DOCK11: variants seen among roughly 807,000 people sequenced by gnomAD.
The protein encoded by DOCK11 is dedicator of cytokinesis 11.
Under a neutral mutation model 169.1 loss-of-function variants are expected in DOCK11, and 70 were observed. The observed-to-expected ratio is 0.41, with a 90% confidence interval of 0.34 to 0.51. The LOEUF (loss-of-function observed/expected upper bound fraction) is 0.51. Among genes scored for constraint, DOCK11 ranks in the 20% least tolerant of loss-of-function variants. The probability of loss-of-function intolerance (pLI) is 0.10; values close to 1 mark genes in which losing one functional copy is unlikely to be tolerated. For synonymous variants in DOCK11, 529 were observed against 541.3 expected (o/e 0.98, Z 0.32); for missense variants, 1,166 against 1,538.8 (o/e 0.76, Z 4.05).
rs764439704 is a variant in DOCK11 at position 118,578,505 on chromosome X, C to A, written c.1390-20C>A. On this transcript the variant is annotated intron_variant, in intron 12 of 52. Coordinates refer to ENST00000276202, the MANE Select transcript of DOCK11 (RefSeq NM_144658.4). Reference sequence around the variant, plus strand: ...CACAAGATTACATAAGAAAGTCTAACGGAAGTACTTTTTTCCCAGGGAATT... The same window carrying A: ...CACAAGATTACATAAGAAAGTCTAAAGGAAGTACTTTTTTCCCAGGGAATT... The A allele has an allele frequency of 8.3e-7, 1 of 1,201,387 alleles. No individual in the cohort carries two copies. The highest frequency in any genetic ancestry group is 1.8e-5 in the African/African-American group (1 of 56,917).
intron 27 of DOCK11, 82 bp downstream of exon 27, chrX:118,609,431 A>G (rs2014622040): frequency 2.7e-6 from 2 of 748,381 alleles, no homozygotes; most frequent in Non-Finnish European, 3.8e-6. Flanking sequence ...TGGAGACAAA[A>G]AAAGCTAATC....
intron 12 of DOCK11, among the ~76,000 whole-genome samples, chrX:118,574,619 C>T (rs2013388298): frequency 8.9e-6 from 1 of 111,744 alleles, no homozygotes; most frequent in African/African-American, 3.2e-5. Context: ...CACCCACACT[C>T]ATACATATAC....
In DOCK11 at chrX:118,597,511, C is replaced by T; in HGVS notation, c.2344C>T (p.Pro782Ser). 14 of 1,211,128 alleles carry T rather than the reference C, an allele frequency of 1.2e-5. No homozygotes were observed. Among genetic ancestry groups the T allele is most frequent in the Non-Finnish European group, 1.5e-5 (13 of 895,006 alleles). Residue 782 changes from proline (P) to serine (S), a missense_variant, in exon 21 of 53, where the codon CCC (proline) becomes TCC (serine). Transcript: ENST00000276202. ...GCAGCTGCCAGTTTCCGCCAATCTT[C>T]CCCCAGGCTACTTGAATCTGAATGA... ...EQQLPVSANLPPGYLNLNDAE... is the reference protein window; with the variant it reads ...EQQLPVSANLSPGYLNLNDAE...
At chrX:118,623,436 T>G (rs2015023875) in intron 31 of DOCK11, among the ~76,000 whole-genome samples, 1 of 112,520 alleles carries the variant, frequency 8.9e-6, no homozygotes, top group Non-Finnish European at 1.9e-5. Flanking sequence ...AAACTATTTG[T>G]CAAGGATACA....
chrX:118,581,239 CTT>C (rs964723504), intron 14 of DOCK11, among the ~76,000 whole-genome samples: 3 of 110,954 alleles, frequency 2.7e-5, no homozygotes, highest in Non-Finnish European at 3.8e-5. Flanking sequence ...TTAATTAACT[CTT>C]TTATTTGTCA....
intron 52 of DOCK11, 126 bp downstream of exon 52, chrX:118,683,343 A>G: frequency 1.3e-6 from 1 of 757,006 alleles, no homozygotes; most frequent in Non-Finnish European, 1.8e-6. Flanking sequence ...AACTTTTTTC[A>G]TATTATCTTT....
At chrX:118,657,256 C>T (rs926806696) in intron 44 of DOCK11, among the ~76,000 whole-genome samples, 2 of 110,990 alleles carry the variant, frequency 1.8e-5, no homozygotes, top group African/African-American at 3.3e-5. Context: ...TTTCATAATA[C>T]CCTCAAGGTT....
chrX:118,543,550 T>C lies in DOCK11; in HGVS notation c.349T>C (p.Tyr117His). ...TYSTDWHVVNYKYEDFSGDFR... is the reference protein window; with the variant it reads ...TYSTDWHVVNHKYEDFSGDFR... Reference sequence around the variant, plus strand: ...TAGCACAGATTGGCACGTGGTAAACTACAAGTATGAGGACTTCTCTGGGGA... The same window carrying C: ...TAGCACAGATTGGCACGTGGTAAACCACAAGTATGAGGACTTCTCTGGGGA... The change falls in exon 4 of 53, where the codon TAC becomes CAC. Residue 117 changes from tyrosine (Y) to histidine (H), a missense_variant. Physicochemically the swap from Tyr to His is moderately conservative, Grantham distance 83. Transcript: ENST00000276202. 3.3e-6 allele frequency: 4 copies of C among 1,210,377 alleles called. No homozygotes were observed. Among genetic ancestry groups the C allele is most frequent in the Non-Finnish European group, 4.5e-6 (4 of 893,926 alleles).
In DOCK11 at chrX:118,681,168, G is replaced by T; in HGVS notation, c.5782G>T (p.Glu1928Ter). 8.3e-7 allele frequency: 1 copy of T among 1,208,509 alleles called. No homozygotes were observed. Among genetic ancestry groups the T allele is most frequent in the South Asian group, 1.8e-5 (1 of 56,173 alleles). The change falls in exon 50 of 53, where the codon GAG (glutamate) becomes TAG (stop). Residue 1928 changes from glutamate (E) to a stop codon, truncating the protein, a stop_gained. Coordinates refer to ENST00000276202, the MANE Select transcript of DOCK11 (RefSeq NM_144658.4). LOFTEE classifies it high-confidence loss of function. ...TGATGAAATAAAAGATAAAACTGCA[G>T]AGCTGCAAAAGCTTTGCTCCTCTAC... Reference protein sequence around the residue: ...ATDEIKDKTAELQKLCSSTDV... With the variant: ...ATDEIKDKTA
At position 118,527,334 on chromosome X, in the gene DOCK11, G is replaced by A. The variant is rs992641754; in HGVS notation, c.103-15391G>A. ...AGGCTGGGGCTTCACATAGCCTGTT[G>A]AAATCCTTAGAATTTTTAAACACCT... On this transcript the variant is annotated intron_variant, in intron 1 of 52. Transcript: ENST00000276202. Among the ~76,000 whole-genome samples, 13 of 112,015 alleles carry A rather than the reference G, an allele frequency of 1.2e-4. No individual in the cohort carries two copies. The Admixed American group carries it at 1.2e-3, about 11-fold the overall frequency.
chrX:118,627,609 G>T (rs2015141382), intron 33 of DOCK11, 30 bp downstream of exon 33: 3 of 1,072,979 alleles, frequency 2.8e-6, no homozygotes, highest in Non-Finnish European at 3.9e-6. Context: ...ATGATACATT[G>T]CGTGGGTGTT....
rs1483135545 is a variant in DOCK11, at chrX:118,647,998, ATAT to A, written c.4399-940_4399-938del. 8.7e-4 allele frequency among the ~76,000 whole-genome samples: 43 copies of A among 49,162 alleles called. 1 individual carries two copies. Among genetic ancestry groups the A allele is most frequent in the South Asian group, 2.7e-3 (3 of 1,110 alleles). The allele number at this position is 49,162 out of a possible 115,157, so 42.7% of individuals were successfully genotyped here. On this transcript the variant is annotated intron_variant, in intron 40 of 52. Transcript: ENST00000276202. ...TATATAATATATAATAATATATAATATATTATTATAATATATAATATAAATTAT... is the reference window on the plus strand; with the variant it reads ...TATATAATATATAATAATATATAATATATTATAATATATAATATAAATTAT...
intron 4 of DOCK11, among the ~76,000 whole-genome samples, chrX:118,543,893 T>G (rs937317046): frequency 5.4e-5 from 6 of 111,836 alleles, no homozygotes; most frequent in African/African-American, 2.0e-4. Context: ...GAGGTTGCAG[T>G]GAGCGGAGAT....
chrX:118,612,671 A>C (rs1250513309), intron 28 of DOCK11, among the ~76,000 whole-genome samples: 1 of 112,122 alleles, frequency 8.9e-6, no homozygotes, highest in Non-Finnish European at 1.9e-5. Context: ...AGCATGAAAC[A>C]AGTAACATAG....
intron 6 of DOCK11, among the ~76,000 whole-genome samples, chrX:118,551,165 G>A (rs1239042744): frequency 1.8e-5 from 2 of 111,909 alleles, no homozygotes. Context: ...CAAACTCATG[G>A]CAAACTAACT....
intron 31 of DOCK11, 82 bp downstream of exon 31, chrX:118,618,810 A>T (rs2014888741): frequency 1.2e-6 from 1 of 826,633 alleles, no homozygotes. Context: ...TTTTTGTAGC[A>T]AGGAGCATTA....
At chrX:118,665,704 A>G (rs1166850153) in intron 45 of DOCK11, among the ~76,000 whole-genome samples, 1 of 112,169 alleles carries the variant, frequency 8.9e-6, no homozygotes, top group African/African-American at 3.2e-5. Context: ...CAGTTTGCAT[A>G]ATAAGGCTTC....
rs1313583650 is a variant in DOCK11, at chrX:118,565,466, C to T, written c.694-539C>T. 3.6e-5 allele frequency among the ~76,000 whole-genome samples: 4 copies of T among 112,016 alleles called. No individual in the cohort carries two copies. The East Asian group carries it at 1.1e-3, about 31-fold the overall frequency. On this transcript the variant is annotated intron_variant, in intron 7 of 52. Coordinates refer to ENST00000276202, the MANE Select transcript of DOCK11 (RefSeq NM_144658.4). ...TGTTAACTATGGTCGCCCTATTGTG[C>T]TGCCAAACACTGTGGTCTTCTTTTA... is the stretch of plus-strand genomic sequence containing the variant.
At position 118,588,199 on chromosome X, in the gene DOCK11, G is replaced by A. The variant is rs184457667; in HGVS notation, c.1858G>A (p.Val620Met). The change falls in exon 17 of 53, where the codon GTG becomes ATG. Residue 620 changes from valine (V) to methionine (M), a missense_variant. Val to Met is a conservative substitution (Grantham distance 21). Coordinates refer to ENST00000276202, the MANE Select transcript of DOCK11 (RefSeq NM_144658.4). ...PFEKNCQNIT[V>M]EVEEFVPEMT... ...TGAAAAGAATTGCCAAAATATTACT[G>A]TGGAGGTTGAAGAGTTTGTTCCAGA... 8.3e-6 allele frequency: 10 copies of A among 1,202,485 alleles called. No individual in the cohort carries two copies. The Admixed American group carries it at 2.2e-4, about 27-fold the overall frequency.
Sources: gnomAD v4.1 joint callset for allele counts (sites outside exome capture counted in the v4.1 genomes callset) on GRCh38, gnomAD v4.1.1 for gene constraint, MANE v1.5 for transcripts, NCBI Gene and HGNC (gene_info 2026-07-23, HGNC 2026-07-21) for gene names.